Variants in GPHN observed in about 807,000 individuals in gnomAD.
GPHN encodes the protein gephyrin.
GPHN carries 17 observed loss-of-function variants against 95.5 expected under a neutral mutation model. The ratio of observed to expected loss-of-function variants is 0.18; its 90% CI spans 0.12 to 0.27. The LOEUF (loss-of-function observed/expected upper bound fraction) is 0.27, where lower values mean the gene tolerates loss of function less well. GPHN is among the 10% of genes least tolerant of loss of function. The pLI is 1.00. For missense variants in GPHN, 660 were observed against 978.1 expected, an observed-to-expected ratio of 0.67 and a Z score of 4.34; for synonymous variants, 320 against 322.5, an observed-to-expected ratio of 0.99 and a Z score of 0.08.
the GPHN span, among the ~76,000 whole-genome samples, chr14:67,274,204 A>G: frequency 1.2e-4 from 19 of 152,164 alleles, no homozygotes; most frequent in Admixed American, 1.1e-3. Flanking sequence ...GCCCATGCCT[A>G]TGTCCTGAAT....
chr14:67,421,290 G>C, the GPHN span, among the ~76,000 whole-genome samples: 2 of 152,122 alleles, frequency 1.3e-5, no homozygotes, highest in Non-Finnish European at 2.9e-5. Context: ...AAGCACCTGG[G>C]CATGGTAAAT....
At chr14:67,114,370 T>G (rs1180933516) in intron 16 of GPHN, among the ~76,000 whole-genome samples, 1 of 152,158 alleles carries the variant, frequency 6.6e-6, no homozygotes, top group African/African-American at 2.4e-5. Context: ...ACAAGTAAGT[T>G]CATGGAGTTT....
chr14:67,115,504 G>A (rs1441303587), intron 16 of GPHN, among the ~76,000 whole-genome samples: 3 of 152,110 alleles, frequency 2.0e-5, no homozygotes, highest in South Asian at 2.1e-4. Flanking sequence ...AGGCCAAGGC[G>A]GGAGGATCGC....
At chr14:66,916,867 A>G (rs1447015783) in intron 6 of GPHN, among the ~76,000 whole-genome samples, 5 of 152,158 alleles carry the variant, frequency 3.3e-5, no homozygotes, top group African/African-American at 1.2e-4. Flanking sequence ...TTGTATAGCA[A>G]CACAGTCATG....
chr14:67,163,882 A>G (rs1271333341), intron 19 of GPHN, among the ~76,000 whole-genome samples: 1 of 151,902 alleles, frequency 6.6e-6, no homozygotes, highest in Non-Finnish European at 1.5e-5. Flanking sequence ...TCAACTGCCC[A>G]CTCTATGCCA....
chr14:67,154,405 T>C (rs1395475036), intron 18 of GPHN, among the ~76,000 whole-genome samples: 1 of 152,224 alleles, frequency 6.6e-6, no homozygotes, highest in African/African-American at 2.4e-5. Context: ...TTTTATTTGT[T>C]GGTTTACTTG....
chr14:67,273,553 T>A, the GPHN span, among the ~76,000 whole-genome samples: 5 of 152,228 alleles, frequency 3.3e-5, no homozygotes, highest in Admixed American at 2.0e-4. Flanking sequence ...TCCAAGTCTT[T>A]GCTATTGTGA....
At chr14:66,849,916 T>C (rs1425975327) in intron 4 of GPHN, among the ~76,000 whole-genome samples, 1 of 152,128 alleles carries the variant, frequency 6.6e-6, no homozygotes, top group Admixed American at 6.6e-5. Context: ...TCAATTATTT[T>C]ATCACTCATG....
At chr14:67,363,600 G>A in the GPHN span, among the ~76,000 whole-genome samples, 2 of 152,138 alleles carry the variant, frequency 1.3e-5, no homozygotes, top group South Asian at 4.1e-4. Context: ...GTATGTGAAA[G>A]AACAAGTAAC....
intron 17 of GPHN, among the ~76,000 whole-genome samples, chr14:67,137,885 T>C (rs999791015): frequency 5.9e-5 from 9 of 152,222 alleles, no homozygotes; most frequent in Admixed American, 1.3e-4. Flanking sequence ...CTTTAAGATA[T>C]GCCACTCTTT....
the GPHN span, among the ~76,000 whole-genome samples, chr14:67,190,635 A>G: frequency 6.6e-6 from 1 of 152,070 alleles, no homozygotes; most frequent in Non-Finnish European, 1.5e-5. Flanking sequence ...CTTTTTAATT[A>G]CTCAAATATT....
the GPHN span, chr14:67,321,298 G>A: frequency 3.8e-6 from 6 of 1,595,932 alleles, no homozygotes; most frequent in African/African-American, 8.1e-5. Context: ...GAACTTAGAA[G>A]GAATGTCATA....
chr14:67,260,218 G>T, the GPHN span, among the ~76,000 whole-genome samples: 1 of 152,122 alleles, frequency 6.6e-6, no homozygotes, highest in South Asian at 2.1e-4. Context: ...TTATGAATGA[G>T]GACATTCCTC....
the GPHN span, among the ~76,000 whole-genome samples, chr14:67,192,859 G>GAT: frequency 7.0e-6 from 1 of 142,216 alleles, no homozygotes; most frequent in Non-Finnish European, 1.5e-5. Flanking sequence ...TAGATATACA[G>GAT]ATATATATAG....
the GPHN span, among the ~76,000 whole-genome samples, chr14:67,362,068 C>T: frequency 1.4e-5 from 2 of 145,226 alleles, no homozygotes; most frequent in Non-Finnish European, 3.0e-5. Context: ...GTTGCCCAGG[C>T]TGGAGTGTAG....
the GPHN span, chr14:67,350,603 C>T: frequency 3.7e-6 from 6 of 1,611,908 alleles, no homozygotes; most frequent in East Asian, 2.2e-5. Context: ...CCCGTTTAGT[C>T]CCCTTACCTG....
chr14:67,663,508 C>A, the GPHN span, among the ~76,000 whole-genome samples: 1 of 151,842 alleles, frequency 6.6e-6, no homozygotes, highest in African/African-American at 2.4e-5. Flanking sequence ...CCCATCTCTA[C>A]TAAAAAATAC....
chr14:66,977,983 G>A (rs909366042), intron 9 of GPHN, among the ~76,000 whole-genome samples: 7 of 152,120 alleles, frequency 4.6e-5, no homozygotes, highest in Non-Finnish European at 7.4e-5. Flanking sequence ...TTGCAATAAA[G>A]TGAGTCACAC....
chr14:67,254,661 A>G, the GPHN span, among the ~76,000 whole-genome samples: 1 of 152,176 alleles, frequency 6.6e-6, no homozygotes, highest in South Asian at 2.1e-4. Context: ...AGTCCTTATT[A>G]GTTCTGATAA....
Sources: gnomAD v4.1 joint callset for allele counts (sites outside exome capture counted in the v4.1 genomes callset) on GRCh38, gnomAD v4.1.1 for gene constraint, MANE v1.5 for transcripts, NCBI Gene and HGNC (gene_info 2026-07-23, HGNC 2026-07-21) for gene names.